Variants in GFRA1 observed in about 807,000 individuals in gnomAD.
The protein encoded by GFRA1 is GDNF family receptor alpha 1.
In GFRA1, 16 loss-of-function variants were observed where a neutral mutation model predicts 51.6. The observed-to-expected ratio is 0.31, with a 90% CI of 0.21 to 0.47. GFRA1 has a LOEUF of 0.47. Among genes scored for constraint, GFRA1 ranks in the 20% least tolerant of loss-of-function variants. The probability of loss-of-function intolerance (pLI) is 1.00; values close to 1 mark genes in which losing one functional copy is unlikely to be tolerated. For missense variants in GFRA1, 530 were observed against 594.3 expected (o/e 0.89, Z 1.13); for synonymous variants, 270 against 241.3 (o/e 1.12, Z -1.10).
chr10:116,267,239 C>T (rs566981988), intron 4 of GFRA1, among the ~76,000 whole-genome samples: 2 of 152,172 alleles, frequency 1.3e-5, no homozygotes, highest in African/African-American at 4.8e-5. Context: ...CCGAGGCAGG[C>T]GGATCTCTTG....
At chr10:116,075,854 C>T (rs1434503840) in intron 9 of GFRA1, among the ~76,000 whole-genome samples, 1 of 152,132 alleles carries the variant, frequency 6.6e-6, no homozygotes, top group Non-Finnish European at 1.5e-5. Flanking sequence ...ACGCCATTCT[C>T]CTGCCTCAGC....
chr10:116,265,005 T>C (rs1018285676), intron 4 of GFRA1, among the ~76,000 whole-genome samples: 6 of 152,220 alleles, frequency 3.9e-5, no homozygotes, highest in Admixed American at 1.3e-4. Flanking sequence ...TGTGATAACT[T>C]TTTAAAAAAT....
intron 4 of GFRA1, among the ~76,000 whole-genome samples, chr10:116,212,554 AC>A (rs1965277081): frequency 6.6e-6 from 1 of 151,112 alleles, no homozygotes; most frequent in African/African-American, 2.4e-5. Flanking sequence ...ACACACACAC[AC>A]ACACACACAC....
intron 5 of GFRA1, among the ~76,000 whole-genome samples, chr10:116,138,635 A>ACCC (rs368825109): frequency 8.3e-6 from 1 of 120,252 alleles, no homozygotes; most frequent in Non-Finnish European, 1.7e-5. Flanking sequence ...GATGGTAGGA[A>ACCC]CCCCCCCCCG....
At chr10:116,115,855 A>C (rs1957392068) in intron 6 of GFRA1, among the ~76,000 whole-genome samples, 1 of 152,144 alleles carries the variant, frequency 6.6e-6, no homozygotes, top group Non-Finnish European at 1.5e-5. Flanking sequence ...GAGTGCTAGC[A>C]GGAGGTGGCT....
chr10:116,217,304 C>A (rs1214589661), intron 4 of GFRA1, among the ~76,000 whole-genome samples: 1 of 152,178 alleles, frequency 6.6e-6, no homozygotes, highest in African/African-American at 2.4e-5. Context: ...GCTTACATTC[C>A]TATCTATAAA....
chr10:116,250,566 G>A (rs897499168), intron 4 of GFRA1, among the ~76,000 whole-genome samples: 2 of 152,178 alleles, frequency 1.3e-5, no homozygotes, highest in Non-Finnish European at 2.9e-5. Context: ...TTTTCAAAGC[G>A]TACATCTGAA....
intron 4 of GFRA1, among the ~76,000 whole-genome samples, chr10:116,243,420 C>T (rs1001517961): frequency 7.2e-5 from 11 of 151,948 alleles, no homozygotes; most frequent in Admixed American, 2.0e-4. Context: ...TTTGGTACTT[C>T]TCATTTCTTC....
Position 116,271,101 on chromosome 10 carries a change from C to A in GFRA1, c.55G>T (p.Ala19Ser). Residue 19 changes from alanine to serine, a missense_variant, in exon 3 of 11, where the codon GCC (alanine) becomes TCC (serine). Physicochemically the swap from Ala to Ser is moderately conservative, Grantham distance 99 (BLOSUM62 1). Transcript: ENST00000355422. Reference sequence around the variant, plus strand: ...AGGCGGTCTCCGCCGCTCACTTCGGCCGACAGGAGCAAGTCTGCGGGGCAG... The same window carrying A: ...AGGCGGTCTCCGCCGCTCACTTCGGACGACAGGAGCAAGTCTGCGGGGCAG... ...ALPLLDLLLS[A>S]EVSGGDRLDC... 1 of 1,606,176 alleles carries A rather than the reference C, an allele frequency of 6.2e-7. No homozygotes were observed. The highest frequency in any genetic ancestry group is 2.2e-5 in the East Asian group (1 of 44,594).
intron 6 of GFRA1, among the ~76,000 whole-genome samples, chr10:116,096,982 C>T (rs2058374005): frequency 6.6e-6 from 1 of 152,136 alleles, no homozygotes; most frequent in African/African-American, 2.4e-5. Context: ...TCCCTTTCCC[C>T]AGCCCTCGCC....
intron 4 of GFRA1, among the ~76,000 whole-genome samples, chr10:116,266,972 A>T (rs1969706654): frequency 6.6e-6 from 1 of 152,146 alleles, no homozygotes; most frequent in Non-Finnish European, 1.5e-5. Context: ...GAGAGGGAAA[A>T]TGAGTGTAAA....
chr10:116,236,577 A>T (rs890019632), intron 4 of GFRA1, among the ~76,000 whole-genome samples: 2 of 152,220 alleles, frequency 1.3e-5, no homozygotes, highest in African/African-American at 4.8e-5. Context: ...AAAAATATTG[A>T]ATAAACCCCT....
chr10:116,259,192 C>G lies in GFRA1; in HGVS notation c.418+10311G>C, dbSNP rs535533563. Among the ~76,000 whole-genome samples the G allele has an allele frequency of 1.7e-4, 26 of 152,250 alleles. 1 individual carries two copies. The South Asian group carries it at 3.7e-3, about 22-fold the overall frequency. ...ACACAAAACGATCATGTGCAAAGGA[C>G]AACAGAAATCACAGTTGGCATGGTG... On this transcript the variant is annotated intron_variant, in intron 4 of 10. Coordinates refer to ENST00000355422, the MANE Select transcript of GFRA1 (RefSeq NM_005264.8).
At chr10:116,068,952 A>T (rs908407805) in intron 9 of GFRA1, among the ~76,000 whole-genome samples, 2 of 152,222 alleles carry the variant, frequency 1.3e-5, no homozygotes, top group Non-Finnish European at 2.9e-5. Context: ...AGACTTTGTA[A>T]GGTATAAGGT....
chr10:116,097,282 A>G (rs1227476532), intron 6 of GFRA1, among the ~76,000 whole-genome samples: 2 of 152,184 alleles, frequency 1.3e-5, no homozygotes, highest in Admixed American at 1.3e-4. Flanking sequence ...CTCATCCACC[A>G]GCCCAGGGGT....
chr10:116,213,616 A>G (rs1965358778), intron 4 of GFRA1, among the ~76,000 whole-genome samples: 1 of 152,218 alleles, frequency 6.6e-6, no homozygotes, highest in Non-Finnish European at 1.5e-5. Flanking sequence ...TATATCATCA[A>G]CATCTAATTT....
intron 8 of GFRA1, 139 bp downstream of exon 8, chr10:116,093,561 CAG>C (rs1352566801): frequency 1.3e-6 from 1 of 759,106 alleles, no homozygotes. Flanking sequence ...GAAAGACAGA[CAG>C]AGAGAGGAAG....
intron 6 of GFRA1, among the ~76,000 whole-genome samples, chr10:116,112,011 G>A (rs1364298915): frequency 6.6e-6 from 1 of 152,218 alleles, no homozygotes; most frequent in East Asian, 1.9e-4. Flanking sequence ...TACTGAACCA[G>A]TGAACAAACC....
chr10:116,255,826 A>T (rs2134726266), intron 4 of GFRA1: 2 of 1,052,448 alleles, frequency 1.9e-6, no homozygotes, highest in Non-Finnish European at 2.5e-6. Flanking sequence ...TTCGCAAAAA[A>T]CCTGAGTTAC....
Sources: gnomAD v4.1 joint callset for allele counts (sites outside exome capture counted in the v4.1 genomes callset) on GRCh38, gnomAD v4.1.1 for gene constraint, MANE v1.5 for transcripts, NCBI Gene and HGNC (gene_info 2026-07-23, HGNC 2026-07-21) for gene names.